BACH2: variants seen among roughly 807,000 people sequenced by gnomAD.
BACH2 encodes BACH transcriptional regulator 2.
BACH2 carries 5 observed loss-of-function variants against 61.8 expected under a neutral mutation model. That is an observed-to-expected ratio of 0.08 (90% CI 0.04 to 0.17). The LOEUF is 0.17. Ranked by LOEUF, BACH2 falls within the 10% of genes least tolerant of loss-of-function variation. BACH2 has a pLI of 1.00. For missense variants in BACH2, 824 were observed against 1,091.1 expected, an observed-to-expected ratio of 0.76 and a Z score of 3.45; for synonymous variants, 446 against 440.1, an observed-to-expected ratio of 1.01 and a Z score of -0.17.
chr6:89,990,119 C>T (rs1776463512), intron 6 of BACH2, among the ~76,000 whole-genome samples: 1 of 152,158 alleles, frequency 6.6e-6, no homozygotes, highest in Non-Finnish European at 1.5e-5. Flanking sequence ...ATCTTCACCA[C>T]ATATTCTCCC....
At chr6:90,107,663 A>ATTTT (rs35319113) in intron 4 of BACH2, among the ~76,000 whole-genome samples, 2 of 134,744 alleles carry the variant, frequency 1.5e-5, no homozygotes, top group African/African-American at 2.8e-5. Flanking sequence ...TCTATTTGTG[A>ATTTT]TTTTTTTTTT....
chr6:89,951,326 A>C lies in BACH2; in HGVS notation c.780T>G (p.Asp260Glu). The C allele has an allele frequency of 6.2e-7, 1 of 1,614,186 alleles. No homozygotes were observed. Among genetic ancestry groups the C allele is most frequent in the Non-Finnish European group, 8.5e-7 (1 of 1,180,038 alleles). ...CCGGCTTGAGGCTGTTGCTAGAGTT[A>C]TCTTCCCGGAATGTGCTTGCAAAAC... Reference protein sequence around the residue: ...TSGFASTFREDNSSNSLKPGL... With the variant: ...TSGFASTFREENSSNSLKPGL... Residue 260 changes from aspartate (D) to glutamate (E), a missense_variant, in exon 7 of 9, where the codon GAT (aspartate) becomes GAG (glutamate). Around this residue, in one of 8 missense-constraint regions of BACH2, gnomAD observed 226 missense variants for 228.5 expected, o/e 0.99. Transcript: ENST00000257749. This position sits in a 1 kb window ranked among gnomAD's most constrained non-coding sequence, Gnocchi z 6.4.
At chr6:89,949,531 A>C (rs1773945389) in intron 7 of BACH2, among the ~76,000 whole-genome samples, 1 of 152,140 alleles carries the variant, frequency 6.6e-6, no homozygotes, top group Non-Finnish European at 1.5e-5. Flanking sequence ...TCTTCCAGCA[A>C]TGGTAAGACA....
At chr6:90,206,702 G>A (rs549223805) in intron 3 of BACH2, 21 bp from the exon 4 acceptor site, 1 of 152,500 alleles carries the variant, frequency 6.6e-6, no homozygotes, top group Non-Finnish European at 1.5e-5. Context: ...AAACAAAGAA[G>A]AAATCCATCA....
At chr6:90,219,558 T>C (rs949921605) in intron 3 of BACH2, among the ~76,000 whole-genome samples, 2 of 152,206 alleles carry the variant, frequency 1.3e-5, no homozygotes, top group Non-Finnish European at 2.9e-5. Flanking sequence ...TTACCTGACA[T>C]GGCAGCGGCA....
intron 3 of BACH2, among the ~76,000 whole-genome samples, chr6:90,245,159 A>T (rs1770590751): frequency 6.6e-6 from 1 of 152,090 alleles, no homozygotes; most frequent in Non-Finnish European, 1.5e-5. Flanking sequence ...AGATCATGCC[A>T]CTGCAATCCT....
At chr6:90,060,470 T>C (rs1434925267) in intron 5 of BACH2, among the ~76,000 whole-genome samples, 1 of 152,184 alleles carries the variant, frequency 6.6e-6, no homozygotes, top group East Asian at 1.9e-4. Context: ...CTGAAGGTTT[T>C]CTTTAGCTCT....
intron 4 of BACH2, among the ~76,000 whole-genome samples, chr6:90,150,336 AC>A (rs1292569105): frequency 1.3e-5 from 2 of 152,134 alleles, no homozygotes; most frequent in Admixed American, 1.3e-4. Context: ...CAATGGATAA[AC>A]CCTCCTCAAT....
At chr6:90,138,332 G>A (rs536388161) in intron 4 of BACH2, among the ~76,000 whole-genome samples, 12 of 152,152 alleles carry the variant, frequency 7.9e-5, no homozygotes, top group Middle Eastern at 3.4e-3. Context: ...GTGAAGCCCC[G>A]TCTCTACTAA....
chr6:90,234,557 A>G (rs1044007771), intron 3 of BACH2, among the ~76,000 whole-genome samples: 3 of 152,246 alleles, frequency 2.0e-5, no homozygotes, highest in Non-Finnish European at 4.4e-5. Context: ...GGTCACTTTC[A>G]GAAGTGGAAA....
At chr6:90,054,087 T>A (rs1447790099) in intron 5 of BACH2, among the ~76,000 whole-genome samples, 1 of 152,160 alleles carries the variant, frequency 6.6e-6, no homozygotes, top group East Asian at 1.9e-4. Flanking sequence ...AGGTACCGGG[T>A]TCATCTCACT....
rs938340223 is a variant in BACH2 at position 90,271,924 on chromosome 6, G to C, written c.-428C>G. 4 of 152,330 alleles carry C rather than the reference G, an allele frequency of 2.6e-5. No homozygotes were observed. Among genetic ancestry groups the C allele is most frequent in the Non-Finnish European group, 5.9e-5 (4 of 68,044 alleles). The allele number at this position is 152,330 out of a possible 1,614,324, so 9.4% of individuals were successfully genotyped here. A position where few individuals can be genotyped will look rare whatever the true frequency, so the allele number is the denominator to read the frequency against. ...AGGTGGCGAAATGTTAAAACTGGGAGCTATGTGAACGAACGCGCTGAAAGA... is the reference window on the plus strand; with the variant it reads ...AGGTGGCGAAATGTTAAAACTGGGACCTATGTGAACGAACGCGCTGAAAGA... On this transcript the variant is annotated 5_prime_UTR_variant, in exon 2 of 9. Transcript: ENST00000257749.
At chr6:89,943,414 GTATTA>G (rs1231127312) in intron 7 of BACH2, among the ~76,000 whole-genome samples, 3 of 151,406 alleles carry the variant, frequency 2.0e-5, no homozygotes, top group Non-Finnish European at 2.9e-5. Context: ...AATTATATAA[GTATTA>G]TATAATTATA....
intron 6 of BACH2, among the ~76,000 whole-genome samples, chr6:89,993,561 G>A (rs6901296): frequency 0.026 from 3,919 of 152,220 alleles, 171 homozygotes; most frequent in African/African-American, 0.085. Context: ...CCTTACAGGT[G>A]CAGATCCATT....
At chr6:90,035,808 G>T (rs185287474) in intron 5 of BACH2, among the ~76,000 whole-genome samples, 174 of 152,010 alleles carry the variant, frequency 1.1e-3, no homozygotes, top group African/African-American at 3.7e-3. Context: ...TAGGCTCAAA[G>T]ATATTAAACA....
chr6:90,162,496 G>C (rs1484544925), intron 4 of BACH2, among the ~76,000 whole-genome samples: 1 of 152,078 alleles, frequency 6.6e-6, no homozygotes, highest in Non-Finnish European at 1.5e-5. Context: ...TTAAAAATTA[G>C]CTGGGCGTGG....
chr6:89,988,663 A>G (rs1387431277), intron 6 of BACH2, among the ~76,000 whole-genome samples: 2 of 152,232 alleles, frequency 1.3e-5, no homozygotes, highest in Non-Finnish European at 2.9e-5. Flanking sequence ...AGGAGGGTGA[A>G]GAACATACTC....
chr6:89,973,258 G>C (rs933457825), intron 6 of BACH2, among the ~76,000 whole-genome samples: 4 of 119,324 alleles, frequency 3.4e-5, no homozygotes, highest in Non-Finnish European at 6.8e-5. Flanking sequence ...AAAAAAATAA[G>C]AAAATATAAA....
chr6:90,288,571 G>A (rs1007572798), intron 1 of BACH2, among the ~76,000 whole-genome samples: 1 of 152,104 alleles, frequency 6.6e-6, no homozygotes, highest in Non-Finnish European at 1.5e-5. Flanking sequence ...CAGTGACCCT[G>A]CAAACCTGAG....
Sources: allele counts gnomAD v4.1 joint callset (sites outside exome capture counted in the v4.1 genomes callset), GRCh38; gene constraint gnomAD v4.1.1; regional missense constraint gnomAD v4.1.1; non-coding constraint Gnocchi (gnomAD v3.1); transcripts MANE v1.5; gene names NCBI Gene and HGNC (gene_info 2026-07-23, HGNC 2026-07-21).